The following CNTNAP5 variants were observed in gnomAD, a reference collection of about 807,000 sequenced individuals.
CNTNAP5 encodes the protein contactin associated protein family member 5.
A neutral mutation model predicts 150.2 loss-of-function variants in CNTNAP5; 72 were observed. The observed-to-expected ratio is 0.48, with a 90% CI of 0.40 to 0.58. The LOEUF is 0.58. Among genes scored for constraint, CNTNAP5 ranks in the 20% least tolerant of loss-of-function variants. The probability of loss-of-function intolerance (pLI) is 0.00; values close to 1 mark genes in which losing one functional copy is unlikely to be tolerated. For synonymous variants in CNTNAP5, 672 were observed against 619.8 expected, an observed-to-expected ratio of 1.08 and a Z score of -1.25; for missense variants, 1,636 against 1,626.2, an observed-to-expected ratio of 1.01 and a Z score of -0.10.
chr2:124,884,461 C>A (rs995835486), intron 21 of CNTNAP5, among the ~76,000 whole-genome samples: 1 of 152,014 alleles, frequency 6.6e-6, no homozygotes, highest in Admixed American at 6.6e-5. Context: ...ATCTCTCATT[C>A]TTGCTAGAGG....
intron 20 of CNTNAP5, among the ~76,000 whole-genome samples, chr2:124,868,621 T>C (rs1317122963): frequency 6.6e-6 from 1 of 152,148 alleles, no homozygotes; most frequent in African/African-American, 2.4e-5. Flanking sequence ...TAACTTCCAA[T>C]ACAATGTATT....
intron 3 of CNTNAP5, among the ~76,000 whole-genome samples, chr2:124,261,383 C>T (rs767560980): frequency 2.0e-5 from 3 of 152,274 alleles, no homozygotes; most frequent in Non-Finnish European, 2.9e-5. Context: ...GAAGAGAACA[C>T]GTCGCACTTT....
At chr2:124,380,410 T>C (rs1690758669) in intron 3 of CNTNAP5, among the ~76,000 whole-genome samples, 1 of 152,118 alleles carries the variant, frequency 6.6e-6, no homozygotes, top group South Asian at 2.1e-4. Context: ...CTTGGGGAAA[T>C]TGTGGAGCAT....
intron 13 of CNTNAP5, among the ~76,000 whole-genome samples, chr2:124,710,074 G>A (rs755029634): frequency 1.3e-5 from 2 of 151,996 alleles, no homozygotes; most frequent in Non-Finnish European, 2.9e-5. Flanking sequence ...GATGGTCATC[G>A]AAGCTGGAAT....
chr2:124,384,979 C>A (rs1189851919), intron 3 of CNTNAP5, among the ~76,000 whole-genome samples: 1 of 152,208 alleles, frequency 6.6e-6, no homozygotes, highest in Non-Finnish European at 1.5e-5. Flanking sequence ...AAAGGTGAGA[C>A]AGGAGCCTCA....
rs527937366 is a variant in CNTNAP5 at position 124,382,478 on chromosome 2, T to C, written c.382-34965T>C. Among the ~76,000 whole-genome samples, 16 of 152,238 alleles carry C rather than the reference T, an allele frequency of 1.1e-4. No homozygotes were observed. The East Asian group carries it at 2.9e-3, about 28-fold the overall frequency. On this transcript the variant is annotated intron_variant, in intron 3 of 23. Coordinates refer to ENST00000682447, the MANE Select transcript of CNTNAP5 (RefSeq NM_001367498.1). ...TGGGTGGTTTTAAAAATCTGAACAA[T>C]ACATTTGAGTCTCAATGTACTCCTC... is the stretch of plus-strand genomic sequence containing the variant.
At chr2:124,549,205 A>G (rs567403018) in intron 10 of CNTNAP5, among the ~76,000 whole-genome samples, 1 of 152,262 alleles carries the variant, frequency 6.6e-6, no homozygotes, top group South Asian at 2.1e-4. Flanking sequence ...CACTTCATCC[A>G]TGGGTTCTAG....
At chr2:124,623,608 T>A (rs1677661540) in intron 12 of CNTNAP5, among the ~76,000 whole-genome samples, 1 of 152,170 alleles carries the variant, frequency 6.6e-6, no homozygotes, top group Non-Finnish European at 1.5e-5. Context: ...ATTGAATGAG[T>A]TAACATGTAA....
intron 10 of CNTNAP5, among the ~76,000 whole-genome samples, chr2:124,537,913 G>A (rs2104902368): frequency 6.6e-6 from 1 of 152,226 alleles, no homozygotes; most frequent in Middle Eastern, 3.4e-3. Context: ...AAACACGGAG[G>A]GCTGAGCAAG....
At chr2:124,359,265 T>A in intron 3 of CNTNAP5, among the ~76,000 whole-genome samples, 1 of 151,314 alleles carries the variant, frequency 6.6e-6, no homozygotes, top group Non-Finnish European at 1.5e-5. Flanking sequence ...GCTCCTGGAT[T>A]CATTGATTTT....
intron 14 of CNTNAP5, among the ~76,000 whole-genome samples, chr2:124,759,672 GC>G (rs746799235): frequency 1.9e-3 from 281 of 151,692 alleles, no homozygotes; most frequent in Non-Finnish European, 3.3e-3. Context: ...GATTTCTGGA[GC>G]ATTTATAGAA....
At chr2:124,510,842 G>A (rs1177365846) in intron 8 of CNTNAP5, among the ~76,000 whole-genome samples, 2 of 152,130 alleles carry the variant, frequency 1.3e-5, no homozygotes, top group Middle Eastern at 3.2e-3. Flanking sequence ...CACCTTCTAG[G>A]AGTCTTGCTG....
intron 2 of CNTNAP5, among the ~76,000 whole-genome samples, chr2:124,230,896 G>A (rs1686600814): frequency 1.3e-5 from 2 of 152,116 alleles, no homozygotes; most frequent in Non-Finnish European, 1.5e-5. Flanking sequence ...CCCTCTCCCT[G>A]TGAACCACCC....
intron 4 of CNTNAP5, among the ~76,000 whole-genome samples, chr2:124,419,829 G>A (rs777168358): frequency 3.9e-5 from 6 of 151,910 alleles, no homozygotes; most frequent in African/African-American, 1.2e-4. Context: ...AAACCAATGG[G>A]TTAGCATGCC....
At chr2:124,622,080 G>A (rs1017538459) in intron 12 of CNTNAP5, among the ~76,000 whole-genome samples, 13 of 152,002 alleles carry the variant, frequency 8.6e-5, no homozygotes, top group African/African-American at 3.1e-4. Context: ...ATTAAGCCCA[G>A]CATCCATTAG....
intron 1 of CNTNAP5, among the ~76,000 whole-genome samples, chr2:124,202,655 C>T (rs1237817818): frequency 1.3e-5 from 2 of 152,168 alleles, no homozygotes; most frequent in Non-Finnish European, 2.9e-5. Flanking sequence ...GAAGCCATCA[C>T]GATCATGGCA....
intron 1 of CNTNAP5, among the ~76,000 whole-genome samples, chr2:124,186,502 T>A (rs949726849): frequency 2.6e-5 from 4 of 152,212 alleles, no homozygotes; most frequent in Admixed American, 1.3e-4. Context: ...TAGGTGATAC[T>A]TGTGTATGTA....
chr2:124,560,688 C>T (rs528303564), intron 10 of CNTNAP5, among the ~76,000 whole-genome samples: 95 of 152,220 alleles, frequency 6.2e-4, no homozygotes, highest in African/African-American at 2.2e-3. Flanking sequence ...GGTTAGGCTA[C>T]TTCACAGCAT....
intron 3 of CNTNAP5, among the ~76,000 whole-genome samples, chr2:124,287,381 T>C (rs1282646450): frequency 6.6e-6 from 1 of 152,222 alleles, no homozygotes; most frequent in Non-Finnish European, 1.5e-5. Flanking sequence ...TGCAGCTCTT[T>C]GGCGTTGGAA....
Sources: allele counts gnomAD v4.1 joint callset (sites outside exome capture counted in the v4.1 genomes callset), GRCh38; gene constraint gnomAD v4.1.1; transcripts MANE v1.5; gene names NCBI Gene and HGNC (gene_info 2026-07-23, HGNC 2026-07-21).